The following NSG1 variants were observed in gnomAD, a reference collection of about 807,000 sequenced individuals.
NSG1 encodes the protein neuronal vesicle trafficking-associated protein 1.
NSG1 carries 9 observed loss-of-function variants against 19.3 expected under a neutral mutation model. The observed-to-expected ratio is 0.47, with a 90% CI of 0.28 to 0.81. The LOEUF (loss-of-function observed/expected upper bound fraction) is 0.81. Ranked by LOEUF, NSG1 falls within the 40% of genes least tolerant of loss-of-function variation. The pLI, the probability that NSG1 is intolerant of heterozygous loss-of-function variation, is 0.11. For missense variants in NSG1, 236 were observed against 242.4 expected (o/e 0.97, Z 0.18); for synonymous variants, 104 against 107.0 (o/e 0.97, Z 0.17).
chr4:4,387,519 A>C, intron 1 of NSG1, 85 bp from the exon 2 acceptor site: 1 of 908,204 alleles, frequency 1.1e-6, no homozygotes, highest in Non-Finnish European at 1.6e-6. Context: ...GGACGCCGGG[A>C]CGCCGGTGGG....
chr4:4,403,443 G>A (rs1365686299), intron 3 of NSG1, among the ~76,000 whole-genome samples: 2 of 152,146 alleles, frequency 1.3e-5, no homozygotes, highest in Admixed American at 6.5e-5. Context: ...ATCCTGTAGC[G>A]CAATGTCTTC....
intron 2 of NSG1, among the ~76,000 whole-genome samples, chr4:4,389,387 C>T (rs1376101424): frequency 3.9e-5 from 6 of 152,236 alleles, no homozygotes; most frequent in Non-Finnish European, 8.8e-5. Context: ...CCAGCCAGAC[C>T]TTCCATCCCG....
At position 4,387,686 on chromosome 4, in the gene NSG1, G is replaced by A. The variant is rs747756202; in HGVS notation, c.57G>A (p.Glu19=). The change falls in exon 2 of 5, where the codon GAG becomes GAA. Residue 19 remains glutamate, a synonymous_variant. Coordinates refer to ENST00000621129, the MANE Select transcript of NSG1 (RefSeq NM_014392.5). ...AEKGTKQPLL[E]DGFDTIPLMT... ...AGGGCACCAAGCAGCCGCTGCTGGA[G>A]GATGGCTTCGACACCATTCCCCTGA... 7 of 1,613,766 alleles carry A rather than the reference G, an allele frequency of 4.3e-6. No individual in the cohort carries two copies. The highest frequency in any genetic ancestry group is 3.3e-5 in the Admixed American group (2 of 60,014).
intron 2 of NSG1, among the ~76,000 whole-genome samples, 182 bp from the exon 3 acceptor site, chr4:4,391,293 A>G (rs1309698331): frequency 1.3e-5 from 2 of 152,222 alleles, no homozygotes; most frequent in Admixed American, 6.5e-5. Context: ...AGGATTATGA[A>G]TGGGTCATTT....
intron 3 of NSG1, 82 bp from the exon 4 acceptor site, chr4:4,409,488 TGGG>T: frequency 1.1e-6 from 1 of 923,832 alleles, no homozygotes. Context: ...ACATGCTGTG[TGGG>T]GGGGGGCCTT....
rs770562466 is a variant in NSG1, at chr4:4,387,766, C to G, written c.129+8C>G. The G allele has an allele frequency of 6.3e-7, 1 of 1,593,592 alleles. No homozygotes were observed. Among genetic ancestry groups the G allele is most frequent in the Non-Finnish European group, 8.6e-7 (1 of 1,162,342 alleles). On this transcript the variant is annotated splice_region_variant and intron_variant, in intron 2 of 4. Transcript: ENST00000621129. ...TTCCCGCCCCCGGATAAGGTAAGCC[C>G]CCCCACGCCCCTCCACGTTGCCGGG...
At chr4:4,395,282 C>T (rs186859777) in intron 3 of NSG1, among the ~76,000 whole-genome samples, 156 of 152,316 alleles carry the variant, frequency 1.0e-3, no homozygotes, top group African/African-American at 3.7e-3. Context: ...CCCTGAACCG[C>T]AGGGAGATGC....
chr4:4,387,471 G>A (rs1722781981), intron 1 of NSG1, 133 bp from the exon 2 acceptor site: 6 of 619,846 alleles, frequency 9.7e-6, no homozygotes, highest in Non-Finnish European at 1.7e-5. Context: ...GCGTCCCCAC[G>A]AGCCCTCCCC....
Position 4,408,460 on chromosome 4 carries a change from T to G in NSG1, c.247-1113T>G, listed in dbSNP as rs978269054. Among the ~76,000 whole-genome samples, 23 of 152,170 alleles carry G rather than the reference T, an allele frequency of 1.5e-4. 1 individual carries two copies. The highest frequency in any genetic ancestry group is 2.5e-4 in the Non-Finnish European group (17 of 68,038). ...GCCATCTGCACGCTGTTTTAGCTTTTTATTGATTGATTTATTTTGAGGTAG... is the reference window on the plus strand; with the variant it reads ...GCCATCTGCACGCTGTTTTAGCTTTGTATTGATTGATTTATTTTGAGGTAG... On this transcript the variant is annotated intron_variant, in intron 3 of 4. Transcript: ENST00000621129.
At chr4:4,417,061 G>C (rs1054800918) in intron 4 of NSG1, among the ~76,000 whole-genome samples, 174 bp from the exon 5 acceptor site, 3 of 152,156 alleles carry the variant, frequency 2.0e-5, no homozygotes, top group Non-Finnish European at 4.4e-5. Flanking sequence ...TCAAGGCCAG[G>C]CTTCCCCTGT....
intron 3 of NSG1, among the ~76,000 whole-genome samples, chr4:4,397,456 C>G (rs1420987446): frequency 6.6e-6 from 1 of 152,244 alleles, no homozygotes; most frequent in African/African-American, 2.4e-5. Context: ...GTGCTCCGTC[C>G]TCCATGCCAG....
At chr4:4,412,146 T>C (rs991103235) in intron 4 of NSG1, among the ~76,000 whole-genome samples, 1 of 152,184 alleles carries the variant, frequency 6.6e-6, no homozygotes, top group Non-Finnish European at 1.5e-5. Flanking sequence ...ATGTGGTCCA[T>C]CGTTGACCCA....
intron 4 of NSG1, among the ~76,000 whole-genome samples, chr4:4,416,393 C>T (rs1385489815): frequency 6.6e-6 from 1 of 152,196 alleles, no homozygotes; most frequent in Non-Finnish European, 1.5e-5. Flanking sequence ...CTTTAGACTT[C>T]AGGGTTCAAT....
chr4:4,393,827 C>T (rs753713639), intron 3 of NSG1, among the ~76,000 whole-genome samples: 7 of 152,104 alleles, frequency 4.6e-5, no homozygotes, highest in Non-Finnish European at 1.0e-4. Flanking sequence ...TCCCATGGGA[C>T]GCCTGCTGCT....
At chr4:4,394,456 G>T (rs1037748360) in intron 3 of NSG1, among the ~76,000 whole-genome samples, 2 of 152,074 alleles carry the variant, frequency 1.3e-5, no homozygotes, top group South Asian at 2.1e-4. Flanking sequence ...GAGGGTCTGG[G>T]TTGGGCTGTC....
intron 3 of NSG1, among the ~76,000 whole-genome samples, chr4:4,391,928 A>C (rs1017263631): frequency 6.6e-6 from 1 of 152,274 alleles, no homozygotes; most frequent in Non-Finnish European, 1.5e-5. Flanking sequence ...CCAGGAAGGA[A>C]GCAGGCAATA....
chr4:4,412,788 G>C (rs1012311881), intron 4 of NSG1, among the ~76,000 whole-genome samples: 3 of 152,198 alleles, frequency 2.0e-5, no homozygotes, highest in African/African-American at 7.2e-5. Flanking sequence ...CATCTCCAGG[G>C]CTTGGCACTG....
At chr4:4,414,951 T>A (rs1277699252) in intron 4 of NSG1, among the ~76,000 whole-genome samples, 3 of 148,890 alleles carry the variant, frequency 2.0e-5, no homozygotes, top group Non-Finnish European at 4.5e-5. Flanking sequence ...CCTCTGCCTT[T>A]AAAAAAAAAC....
chr4:4,407,841 C>T (rs148576110), intron 3 of NSG1, among the ~76,000 whole-genome samples: 74 of 152,198 alleles, frequency 4.9e-4, no homozygotes, highest in Non-Finnish European at 9.0e-4. Flanking sequence ...TGGTAAGCTG[C>T]GAAGGTGCAG....
Sources: allele counts gnomAD v4.1 joint callset (sites outside exome capture counted in the v4.1 genomes callset), GRCh38; gene constraint gnomAD v4.1.1; transcripts MANE v1.5; gene names NCBI Gene and HGNC (gene_info 2026-07-23, HGNC 2026-07-21).